ADAM22: variants seen among roughly 807,000 people sequenced by gnomAD.
ADAM22 encodes ADAM metallopeptidase domain 22, also known as disintegrin and metalloproteinase domain-containing protein 22.
ADAM22 carries 65 observed loss-of-function variants against 144.6 expected under a neutral mutation model. That is an observed-to-expected ratio of 0.45 (90% CI 0.37 to 0.55). The LOEUF (loss-of-function observed/expected upper bound fraction) is 0.55, where lower values mean the gene tolerates loss of function less well. Among genes scored for constraint, ADAM22 ranks in the 20% least tolerant of loss-of-function variants. The pLI, the probability that ADAM22 is intolerant of heterozygous loss-of-function variation, is 0.00. For synonymous variants in ADAM22, 391 were observed against 412.6 expected, an observed-to-expected ratio of 0.95 and a Z score of 0.63; for missense variants, 974 against 1,184.9, an observed-to-expected ratio of 0.82 and a Z score of 2.61.
intron 3 of ADAM22, among the ~76,000 whole-genome samples, chr7:88,029,835 C>G (rs1799833363): frequency 6.6e-6 from 1 of 151,878 alleles, no homozygotes; most frequent in Non-Finnish European, 1.5e-5. Context: ...ATGGAAAAAT[C>G]TGCTGCCAGG....
At chr7:87,984,711 T>G (rs1211521825) in intron 3 of ADAM22, among the ~76,000 whole-genome samples, 3 of 152,152 alleles carry the variant, frequency 2.0e-5, no homozygotes, top group Non-Finnish European at 2.9e-5. Context: ...GACAGGTTCT[T>G]GCTCTGTTGC....
intron 3 of ADAM22, among the ~76,000 whole-genome samples, chr7:88,005,157 A>T (rs1457896289): frequency 6.6e-6 from 1 of 152,072 alleles, no homozygotes; most frequent in Admixed American, 6.5e-5. Flanking sequence ...ACAAACAAAT[A>T]ATTGTGCCCT....
intron 3 of ADAM22, among the ~76,000 whole-genome samples, chr7:88,007,105 A>G (rs1269367733): frequency 6.6e-6 from 1 of 152,112 alleles, no homozygotes; most frequent in African/African-American, 2.4e-5. Context: ...TTATACACCA[A>G]TAACAGACAG....
At position 87,934,415 on chromosome 7, in the gene ADAM22, G is replaced by C. The variant is rs1840661718; in HGVS notation, c.-51G>C. 6.5e-7 allele frequency: 1 copy of C among 1,532,866 alleles called. No homozygotes were observed. Among genetic ancestry groups the C allele is most frequent in the African/African-American group, 1.4e-5 (1 of 71,520 alleles). The allele number at this position is 1,532,866 out of a possible 1,614,324, so 95.0% of individuals were successfully genotyped here. A position where few individuals can be genotyped will look rare whatever the true frequency, so the allele number is the denominator to read the frequency against. On this transcript the variant is annotated 5_prime_UTR_variant, in exon 1 of 32. Coordinates refer to ENST00000413139, the MANE Select transcript of ADAM22 (RefSeq NM_001324418.2). ...GAGCGAGGGAAACGGACTCGGCGGC[G>C]CCGGCATGAGGAGCTGAGCGTCTCG...
chr7:88,125,529 C>A, intron 7 of ADAM22, 60 bp from the exon 8 acceptor site: 2 of 1,221,792 alleles, frequency 1.6e-6, no homozygotes, highest in Admixed American at 2.0e-5. Flanking sequence ...TAAAACTTTG[C>A]CCTGTATTGA....
At chr7:87,983,047 T>C (rs1348717794) in intron 3 of ADAM22, among the ~76,000 whole-genome samples, 1 of 152,032 alleles carries the variant, frequency 6.6e-6, no homozygotes, top group East Asian at 1.9e-4. Context: ...GATCTTTTCA[T>C]TGATTTTAGG....
intron 8 of ADAM22, among the ~76,000 whole-genome samples, chr7:88,126,667 G>C (rs1269055010): frequency 6.6e-6 from 1 of 151,848 alleles, no homozygotes; most frequent in African/African-American, 2.4e-5. Context: ...TTTTTTGGCA[G>C]GGGGAGGATT....
At chr7:87,964,170 G>A (rs1377116284) in intron 2 of ADAM22, among the ~76,000 whole-genome samples, 2 of 152,158 alleles carry the variant, frequency 1.3e-5, no homozygotes, top group African/African-American at 4.8e-5. Flanking sequence ...TCTGAGCTGG[G>A]CTCAGCACTA....
intron 3 of ADAM22, among the ~76,000 whole-genome samples, chr7:88,005,739 A>T (rs1793659002): frequency 6.6e-6 from 1 of 152,144 alleles, no homozygotes; most frequent in Admixed American, 6.5e-5. Flanking sequence ...CCAGGGTTGA[A>T]TCCAGGTTCA....
intron 23 of ADAM22, among the ~76,000 whole-genome samples, chr7:88,163,487 T>A (rs973385012): frequency 1.3e-5 from 2 of 151,994 alleles, no homozygotes; most frequent in African/African-American, 4.8e-5. Flanking sequence ...TTTAACAAAC[T>A]ATAATGGGAT....
At position 88,193,188 on chromosome 7, in the gene ADAM22, A is replaced by C. The variant is rs753870060; in HGVS notation, c.2823A>C (p.Pro941=). The change falls in exon 31 of 32, where the codon CCA becomes CCC. Residue 941 remains proline (P), a synonymous_variant. Coordinates refer to ENST00000413139, the MANE Select transcript of ADAM22 (RefSeq NM_001324418.2). The part of the protein sequence containing the change: ...SIASSRKYPY[P]MPPLPDEDKK... ...CCTCCAGCAGAAAATACCCTTACCCAATGCCTCCACTTCCTGATGAGGACA... is the reference window on the plus strand; with the variant it reads ...CCTCCAGCAGAAAATACCCTTACCCCATGCCTCCACTTCCTGATGAGGACA... 1 of 1,614,108 alleles carries C rather than the reference A, an allele frequency of 6.2e-7. No individual in the cohort carries two copies. Among genetic ancestry groups the C allele is most frequent in the Non-Finnish European group, 8.5e-7 (1 of 1,179,964 alleles).
At chr7:87,971,301 TA>T (rs1850391894) in intron 2 of ADAM22, among the ~76,000 whole-genome samples, 1 of 152,112 alleles carries the variant, frequency 6.6e-6, no homozygotes, top group African/African-American at 2.4e-5. Flanking sequence ...TAGAACCCAG[TA>T]AAACCTGCAA....
intron 24 of ADAM22, among the ~76,000 whole-genome samples, chr7:88,167,682 C>T (rs184382932): frequency 3.3e-5 from 5 of 152,246 alleles, no homozygotes; most frequent in African/African-American, 1.2e-4. Flanking sequence ...CCTTAAGAAG[C>T]TTGTATTCAC....
At chr7:88,156,733 T>C (rs1840065629) in intron 22 of ADAM22, among the ~76,000 whole-genome samples, 1 of 152,074 alleles carries the variant, frequency 6.6e-6, no homozygotes, top group South Asian at 2.1e-4. Context: ...AGATTGGAGC[T>C]TTATACTCTA....
At position 87,946,136 on chromosome 7, in the gene ADAM22, G is replaced by A. The variant is rs149311322; in HGVS notation, c.246+10950G>A. On this transcript the variant is annotated intron_variant, in intron 2 of 31. Transcript: ENST00000413139. Reference sequence around the variant, plus strand: ...TTGCATTTCTCTGATGATTAGTGATGTTGAGCATTTTTTTTACTTGTTTGT... The same window carrying A: ...TTGCATTTCTCTGATGATTAGTGATATTGAGCATTTTTTTTACTTGTTTGT... 6.8e-3 allele frequency among the ~76,000 whole-genome samples: 1,040 copies of A among 152,212 alleles called. 5 individuals carry two copies. The highest frequency in any genetic ancestry group is 0.023 in the African/African-American group (974 of 41,530).
At chr7:88,020,721 A>C (rs933317446) in intron 3 of ADAM22, among the ~76,000 whole-genome samples, 4 of 152,114 alleles carry the variant, frequency 2.6e-5, no homozygotes, top group African/African-American at 7.2e-5. Flanking sequence ...AGGATAACAT[A>C]TATTTTTAGA....
chr7:88,114,432 T>C, intron 5 of ADAM22, 152 bp from the exon 6 acceptor site: 1 of 630,022 alleles, frequency 1.6e-6, no homozygotes, highest in Non-Finnish European at 2.8e-6. Context: ...TCCCTCTCAG[T>C]GGTGTGTGTG....
chr7:87,971,031 A>G (rs1195558476), intron 2 of ADAM22, among the ~76,000 whole-genome samples: 1 of 152,122 alleles, frequency 6.6e-6, no homozygotes, highest in Non-Finnish European at 1.5e-5. Flanking sequence ...ATACTTTACC[A>G]TATCCATGTA....
chr7:88,138,570 G>A (rs574333892), intron 14 of ADAM22, among the ~76,000 whole-genome samples: 2 of 152,194 alleles, frequency 1.3e-5, no homozygotes, highest in Admixed American at 6.5e-5. Context: ...ACTTTCTGAA[G>A]TTCTGTACAG....
Sources: gnomAD v4.1 joint callset for allele counts (sites outside exome capture counted in the v4.1 genomes callset) on GRCh38, gnomAD v4.1.1 for gene constraint, MANE v1.5 for transcripts, NCBI Gene and HGNC (gene_info 2026-07-23, HGNC 2026-07-21) for gene names.